NECAB1: variants seen among roughly 807,000 people sequenced by gnomAD.
The protein encoded by NECAB1 is N-terminal EF-hand calcium-binding protein 1.
A neutral mutation model predicts 57.5 loss-of-function variants in NECAB1; 29 were observed. That is an observed-to-expected ratio of 0.50 (90% CI 0.38 to 0.69). The LOEUF is 0.69. Among genes scored for constraint, NECAB1 ranks in the 30% least tolerant of loss-of-function variants. The pLI is 0.00. For missense variants in NECAB1, 372 were observed against 413.8 expected, an observed-to-expected ratio of 0.90 and a Z score of 0.88; for synonymous variants, 142 against 147.7, an observed-to-expected ratio of 0.96 and a Z score of 0.28.
At chr8:90,939,600 C>A (rs531214713) in intron 9 of NECAB1, among the ~76,000 whole-genome samples, 4 of 152,128 alleles carry the variant, frequency 2.6e-5, no homozygotes, top group African/African-American at 4.8e-5. Flanking sequence ...TCCTAATTAT[C>A]TGAGTTAGTA....
intron 1 of NECAB1, 33 bp from the exon 2 acceptor site, chr8:90,801,658 T>C (rs1340006523): frequency 1.4e-6 from 2 of 1,449,808 alleles, no homozygotes; most frequent in Non-Finnish European, 9.4e-7. Context: ...TTATCTAAAA[T>C]GCTGATAAAA....
intron 2 of NECAB1, among the ~76,000 whole-genome samples, chr8:90,811,328 A>G (rs1008629124): frequency 0.16 from 24 of 152 alleles, no homozygotes; most frequent in Admixed American, 0.42. Context: ...TGAAGCATCA[A>G]TAATTTCAAT....
chr8:90,851,159 G>C (rs1812674629), intron 3 of NECAB1, among the ~76,000 whole-genome samples: 1 of 152,168 alleles, frequency 6.6e-6, no homozygotes, highest in Non-Finnish European at 1.5e-5. Flanking sequence ...TACCCGAAGA[G>C]GGCATGGAAG....
At chr8:90,921,703 A>G (rs1398458822) in intron 6 of NECAB1, among the ~76,000 whole-genome samples, 1 of 152,106 alleles carries the variant, frequency 6.6e-6, no homozygotes, top group Admixed American at 6.5e-5. Context: ...CAAGAGTTAC[A>G]ACCTGCAGGT....
At chr8:90,921,881 C>A (rs1298071318) in intron 6 of NECAB1, among the ~76,000 whole-genome samples, 1 of 152,200 alleles carries the variant, frequency 6.6e-6, no homozygotes, top group East Asian at 1.9e-4. Context: ...CACACAGTAT[C>A]ATTCATCCTG....
intron 9 of NECAB1, chr8:90,940,440 T>A (rs1810642043): frequency 4.4e-6 from 1 of 224,856 alleles, no homozygotes; most frequent in Non-Finnish European, 9.1e-6. Context: ...TACAGACACT[T>A]AGGGAGGTTT....
At chr8:90,900,063 C>A (rs1276526531) in intron 5 of NECAB1, among the ~76,000 whole-genome samples, 1 of 152,130 alleles carries the variant, frequency 6.6e-6, no homozygotes, top group African/African-American at 2.4e-5. Context: ...AAGGCATGAA[C>A]CTTTCCCCTG....
intron 7 of NECAB1, 149 bp downstream of exon 7, chr8:90,925,805 T>C: frequency 8.8e-7 from 1 of 1,129,996 alleles, no homozygotes; most frequent in Non-Finnish European, 1.2e-6. Context: ...GTGAAGAGTG[T>C]AGTATGAAGA....
chr8:90,909,427 T>A (rs1474152143), intron 5 of NECAB1, among the ~76,000 whole-genome samples: 1 of 152,088 alleles, frequency 6.6e-6, no homozygotes, highest in Non-Finnish European at 1.5e-5. Context: ...GTATTTATGT[T>A]GAAGTCTCCC....
chr8:90,800,386 T>A (rs141765971), intron 1 of NECAB1, among the ~76,000 whole-genome samples: 14 of 152,258 alleles, frequency 9.2e-5, no homozygotes, highest in African/African-American at 3.4e-4. Context: ...TTGTTCCAGT[T>A]CCAGTTCTAG....
At chr8:90,903,251 T>C (rs1586106750) in intron 5 of NECAB1, among the ~76,000 whole-genome samples, 1 of 152,226 alleles carries the variant, frequency 6.6e-6, no homozygotes, top group East Asian at 1.9e-4. Flanking sequence ...ACCACTGCAA[T>C]CCCATTTTAG....
chr8:90,906,844 A>G (rs923484981), intron 5 of NECAB1, among the ~76,000 whole-genome samples: 13 of 104,744 alleles, frequency 1.2e-4, no homozygotes, highest in Admixed American at 9.7e-4. Flanking sequence ...GTAGATTTGA[A>G]TAATCCACCT....
chr8:90,941,179 T>C (rs1810662201), intron 10 of NECAB1, among the ~76,000 whole-genome samples: 2 of 152,246 alleles, frequency 1.3e-5, no homozygotes, highest in African/African-American at 2.4e-5. Context: ...ATGAAGAGAC[T>C]GAATTTCAAA....
intron 9 of NECAB1, among the ~76,000 whole-genome samples, chr8:90,937,955 G>C (rs1399621235): frequency 6.6e-6 from 1 of 152,094 alleles, no homozygotes; most frequent in Non-Finnish European, 1.5e-5. Flanking sequence ...TTTTACAATG[G>C]TTGTTAAGAG....
chr8:90,946,330 G>T (rs1377155267), intron 10 of NECAB1, among the ~76,000 whole-genome samples: 1 of 152,174 alleles, frequency 6.6e-6, no homozygotes, highest in Non-Finnish European at 1.5e-5. Flanking sequence ...AGCTTTTGGA[G>T]GCAAAGATGC....
intron 3 of NECAB1, among the ~76,000 whole-genome samples, chr8:90,832,997 G>T (rs1428654117): frequency 2.0e-5 from 3 of 152,136 alleles, no homozygotes; most frequent in African/African-American, 4.8e-5. Context: ...GAATATATTT[G>T]ATGTATACTA....
chr8:90,957,456 T>C lies in NECAB1; in HGVS notation c.*1944T>C, dbSNP rs1019788141. Reference sequence around the variant, plus strand: ...AGATTCCAAACTGGAATAAGCTCTATCATATTCTGAAACAAGAATTAGAAT... The same window carrying C: ...AGATTCCAAACTGGAATAAGCTCTACCATATTCTGAAACAAGAATTAGAAT... On this transcript the variant is annotated 3_prime_UTR_variant, in exon 13 of 13. Transcript: ENST00000417640. The C allele has an allele frequency of 5.9e-5, 9 of 151,802 alleles. No individual in the cohort carries two copies. Among genetic ancestry groups the C allele is most frequent in the African/African-American group, 2.2e-4 (9 of 41,400 alleles). 9.4% of individuals were successfully genotyped at this position (151,802 alleles called of 1,614,324 possible).
chr8:90,800,186 C>T (rs2130642512), intron 1 of NECAB1, among the ~76,000 whole-genome samples: 1 of 152,300 alleles, frequency 6.6e-6, no homozygotes, highest in East Asian at 1.9e-4. Flanking sequence ...AGTCGTTTAT[C>T]AGTCCCAGGA....
At chr8:90,855,243 G>A (rs1229412291) in intron 3 of NECAB1, among the ~76,000 whole-genome samples, 1 of 152,022 alleles carries the variant, frequency 6.6e-6, no homozygotes, top group Non-Finnish European at 1.5e-5. Context: ...AGTTCTGTCT[G>A]GGTCACCATC....
Sources: gnomAD v4.1 joint callset for allele counts (sites outside exome capture counted in the v4.1 genomes callset) on GRCh38, gnomAD v4.1.1 for gene constraint, MANE v1.5 for transcripts, NCBI Gene and HGNC (gene_info 2026-07-23, HGNC 2026-07-21) for gene names.